NUP43: variants seen among roughly 807,000 people sequenced by gnomAD.
The protein encoded by NUP43 is nucleoporin 43.
In NUP43, 32 loss-of-function variants were observed where a neutral mutation model predicts 47.3. The ratio of observed to expected loss-of-function variants is 0.68; its 90% CI spans 0.51 to 0.91. NUP43 has a LOEUF of 0.91. NUP43 is among the 40% of genes least tolerant of loss of function. The pLI is 0.00. For synonymous variants in NUP43, 147 were observed against 158.4 expected, an observed-to-expected ratio of 0.93 and a Z score of 0.54; for missense variants, 444 against 453.9, an observed-to-expected ratio of 0.98 and a Z score of 0.20.
At chr6:149,746,581 G>A (rs1375279895), upstream of NUP43, 1 of 1,611,842 alleles carries the variant, frequency 6.2e-7, no homozygotes, top group Non-Finnish European at 8.5e-7. Flanking sequence ...ACCCTGATTG[G>A]ATGGGACTTT....
intron 6 of NUP43, among the ~76,000 whole-genome samples, chr6:149,736,269 C>A (rs1225264669): frequency 6.6e-6 from 1 of 152,014 alleles, no homozygotes; most frequent in Non-Finnish European, 1.5e-5. Flanking sequence ...AAGGGTGAAT[C>A]TCCGTCTCCA....
At chr6:149,745,133 G>C (rs973289948) in intron 2 of NUP43, among the ~76,000 whole-genome samples, 4 of 151,760 alleles carry the variant, frequency 2.6e-5, no homozygotes, top group Non-Finnish European at 4.4e-5. Context: ...GGGCGCCATG[G>C]CTCACTCCTG....
intron 5 of NUP43, among the ~76,000 whole-genome samples, chr6:149,737,402 A>T (rs2115117689): frequency 6.6e-6 from 1 of 152,018 alleles, no homozygotes. Flanking sequence ...TCAGCCTCCC[A>T]AGTAGCTAGG....
intron 7 of NUP43, chr6:149,727,435 A>AAGC (rs1249657125): frequency 1.0e-6 from 1 of 984,570 alleles, no homozygotes; most frequent in East Asian, 1.1e-4. Flanking sequence ...TCTTCAGGAA[A>AAGC]AGCAGGTGAT....
chr6:149,737,946 C>T (rs1785451334), intron 5 of NUP43, among the ~76,000 whole-genome samples: 1 of 152,088 alleles, frequency 6.6e-6, no homozygotes, highest in African/African-American at 2.4e-5. Flanking sequence ...CTGCCTCGGC[C>T]TCCCAAAGTG....
At position 149,727,197 on chromosome 6, in the gene NUP43, T is replaced by A; in HGVS notation, c.915A>T (p.Gly305=). The A allele has an allele frequency of 6.2e-7, 1 of 1,609,712 alleles. No individual in the cohort carries two copies. Among genetic ancestry groups the A allele is most frequent in the South Asian group, 1.1e-5 (1 of 90,344 alleles). Residue 305 remains glycine (G), a splice_region_variant and synonymous_variant, in exon 8 of 8, where the codon GGA becomes GGT. Coordinates refer to ENST00000340413, the MANE Select transcript of NUP43 (RefSeq NM_198887.3). ...GAGACAAAAAAGTACTGCTTCTTCC[T>A]CCTGGGAGAAAAAAAGAAAAGGAAG... The part of the protein sequence containing the change: ...VPEKSSLFHQ[G]GRSSTFLSHS...
At chr6:149,731,131 G>T (rs892515947) in intron 7 of NUP43, among the ~76,000 whole-genome samples, 5 of 149,764 alleles carry the variant, frequency 3.3e-5, no homozygotes, top group African/African-American at 7.4e-5. Context: ...TTAGCCAGTT[G>T]TGGTGGCACA....
At chr6:149,741,856 G>A (rs561972392) in intron 4 of NUP43, among the ~76,000 whole-genome samples, 5 of 151,966 alleles carry the variant, frequency 3.3e-5, no homozygotes, top group South Asian at 4.2e-4. Context: ...GATGAAAGGA[G>A]TACAATGATT....
At chr6:149,735,598 C>CA (rs57726234) in intron 6 of NUP43, among the ~76,000 whole-genome samples, 1,436 of 51,060 alleles carry the variant, frequency 0.028, 66 homozygotes, top group African/African-American at 0.047. Flanking sequence ...ACCCTGTCTC[C>CA]AAAAAAAAAA....
intron 4 of NUP43, among the ~76,000 whole-genome samples, chr6:149,740,275 C>T (rs1427342916): frequency 4.5e-5 from 1 of 22,444 alleles, no homozygotes; most frequent in Non-Finnish European, 7.3e-5. Context: ...GACCCTGTCT[C>T]AAAAAAAAAA....
intron 6 of NUP43, among the ~76,000 whole-genome samples, chr6:149,734,114 G>GC (rs1189583506): frequency 6.6e-6 from 1 of 151,890 alleles, no homozygotes; most frequent in Non-Finnish European, 1.5e-5. Context: ...ATAAGCCACC[G>GC]CCCCCGGCCA....
chr6:149,733,093 G>A (rs1327287105), intron 6 of NUP43, among the ~76,000 whole-genome samples: 11 of 151,666 alleles, frequency 7.3e-5, no homozygotes, highest in Non-Finnish European at 1.6e-4. Flanking sequence ...TTGGTAAGTT[G>A]TCTTATTTTT....
chr6:149,746,251 A>G, intron 1 of NUP43, 125 bp downstream of exon 1: 1 of 1,437,212 alleles, frequency 7.0e-7, no homozygotes, highest in Non-Finnish European at 9.5e-7. Flanking sequence ...CGCCTGAGAC[A>G]GGGGTCCGGG....
Position 149,726,936 on chromosome 6 carries a change from TG to T in NUP43, c.*32del. 6.5e-7 allele frequency: 1 copy of T among 1,543,948 alleles called. No homozygotes were observed. Among genetic ancestry groups the T allele is most frequent in the Non-Finnish European group, 8.9e-7 (1 of 1,120,010 alleles). On this transcript the variant is annotated 3_prime_UTR_variant, in exon 8 of 8. Coordinates refer to ENST00000340413, the MANE Select transcript of NUP43 (RefSeq NM_198887.3). ...GTTGGATTTCAAAAGGCTAATTGCA[TG>T]TTCTATCTGAAATCTTATAATTATA...
Position 149,738,676 on chromosome 6 carries a change from T to C in NUP43, c.605A>G (p.Gln202Arg). 1 of 1,586,454 alleles carries C rather than the reference T, an allele frequency of 6.3e-7. No homozygotes were observed. The highest frequency in any genetic ancestry group is 8.5e-7 in the Non-Finnish European group (1 of 1,170,228). Residue 202 changes from glutamine (Q) to arginine (R), a missense_variant, in exon 5 of 8, where the codon CAA (glutamine) becomes CGA (arginine). Physicochemically the swap from Gln to Arg is conservative, Grantham distance 43. Transcript: ENST00000340413. Reference protein sequence around the residue: ...IGQLKIWDFRQQGNEPSQILS... With the variant: ...IGQLKIWDFRRQGNEPSQILS... ...TATCTGAGAAGGCTCATTTCCTTGT[T>C]GTCTGAAATCCCATATTTTCAACTG... is the stretch of plus-strand genomic sequence containing the variant.
intron 2 of NUP43, among the ~76,000 whole-genome samples, 179 bp from the exon 3 acceptor site, chr6:149,743,894 A>G (rs1785811439): frequency 6.6e-6 from 1 of 152,246 alleles, no homozygotes; most frequent in Non-Finnish European, 1.5e-5. Context: ...CATACAAAGT[A>G]TTTTCATGAA....
chr6:149,729,789 G>A (rs747460929), intron 7 of NUP43, among the ~76,000 whole-genome samples: 5 of 151,906 alleles, frequency 3.3e-5, no homozygotes, highest in Admixed American at 6.6e-5. Flanking sequence ...ATTTCGTTCT[G>A]CTCACTGTTA....
chr6:149,733,180 A>T (rs1208206785), intron 6 of NUP43, among the ~76,000 whole-genome samples: 1 of 152,108 alleles, frequency 6.6e-6, no homozygotes, highest in African/African-American at 2.4e-5. Flanking sequence ...TATAAAAATG[A>T]ATTTCTAAGA....
chr6:149,743,665 T>G lies in NUP43; in HGVS notation c.294A>C (p.Thr98=), dbSNP rs755113009. 8 of 1,609,050 alleles carry G rather than the reference T, an allele frequency of 5.0e-6. No homozygotes were observed. The highest frequency in any genetic ancestry group is 6.8e-6 in the Non-Finnish European group (8 of 1,176,792). ...IVAASSTGCV[T]VFLHHPNNQT... ...GGTTATTTGGATGGTGAAGGAAAAC[T>G]GTTACACATCCTGTTGATGAAGCAG... Residue 98 remains threonine, a synonymous_variant, in exon 3 of 8, where the codon ACA becomes ACC. Transcript: ENST00000340413.
Sources: gnomAD v4.1 joint callset for allele counts (sites outside exome capture counted in the v4.1 genomes callset) on GRCh38, gnomAD v4.1.1 for gene constraint, MANE v1.5 for transcripts, NCBI Gene and HGNC (gene_info 2026-07-23, HGNC 2026-07-21) for gene names.